GABRG3: variants seen among roughly 807,000 people sequenced by gnomAD.
GABRG3 encodes gamma-aminobutyric acid type A receptor subunit gamma3.
Under a neutral mutation model 48.8 loss-of-function variants are expected in GABRG3, and 25 were observed. That is an observed-to-expected ratio of 0.51 (90% CI 0.37 to 0.72). The LOEUF (loss-of-function observed/expected upper bound fraction) is 0.72. GABRG3 is among the 30% of genes least tolerant of loss of function. GABRG3 has a pLI of 0.00. For synonymous variants in GABRG3, 227 were observed against 217.6 expected (o/e 1.04, Z -0.38); for missense variants, 394 against 577.9 (o/e 0.68, Z 3.26).
chr15:27,334,297 G>A (rs1009216646), intron 5 of GABRG3, among the ~76,000 whole-genome samples: 1 of 151,888 alleles, frequency 6.6e-6, no homozygotes, highest in African/African-American at 2.4e-5. Flanking sequence ...TACACACACA[G>A]GCACACACAT....
intron 7 of GABRG3, among the ~76,000 whole-genome samples, chr15:27,526,641 G>A (rs1048299685): frequency 2.0e-5 from 3 of 151,980 alleles, no homozygotes; most frequent in Non-Finnish European, 2.9e-5. Flanking sequence ...TATCCATCTC[G>A]TGTGTGTCTG....
intron 5 of GABRG3, among the ~76,000 whole-genome samples, chr15:27,405,012 T>G (rs1887589730): frequency 6.6e-6 from 1 of 152,168 alleles, no homozygotes; most frequent in Non-Finnish European, 1.5e-5. Flanking sequence ...GTGATATTGA[T>G]AGAAGAATAA....
At position 27,395,157 on chromosome 15, in the gene GABRG3, T is replaced by A. The variant is rs181455253; in HGVS notation, c.574+66269T>A. Among the ~76,000 whole-genome samples the A allele has an allele frequency of 2.8e-3, 427 of 152,310 alleles. 1 individual carries two copies. Among genetic ancestry groups the A allele is most frequent in the Non-Finnish European group, 4.6e-3 (312 of 68,030 alleles). ...CTGTTCATTTTTCTTATTCTTTGTA[T>A]CTGTTTCCCCAGACTGGTAATCTCA... On this transcript the variant is annotated intron_variant, in intron 5 of 9. Transcript: ENST00000615808.
intron 2 of GABRG3, among the ~76,000 whole-genome samples, chr15:26,993,163 T>G (rs1202529274): frequency 6.6e-6 from 1 of 152,080 alleles, no homozygotes. Flanking sequence ...AACCAACTTT[T>G]TGTTTCATTG....
At chr15:27,084,427 G>A (rs1897042315) in intron 3 of GABRG3, among the ~76,000 whole-genome samples, 1 of 152,192 alleles carries the variant, frequency 6.6e-6, no homozygotes, top group Non-Finnish European at 1.5e-5. Context: ...CTGACCCTCA[G>A]CCAGAATGTT....
intron 5 of GABRG3, among the ~76,000 whole-genome samples, chr15:27,409,705 T>C (rs1887741078): frequency 6.6e-6 from 1 of 152,186 alleles, no homozygotes; most frequent in Admixed American, 6.5e-5. Flanking sequence ...ACAGGAACAC[T>C]GTGCATCTCT....
Position 27,235,079 on chromosome 15 carries a change from T to C in GABRG3, c.271-91730T>C, listed in dbSNP as rs527656033. On this transcript the variant is annotated intron_variant, in intron 3 of 9. Transcript: ENST00000615808. ...TGAGAGAGAAATGCCTTAATACCCTTAAGGAATCTAGTTGTAACTCAAAGA... is the reference window on the plus strand; with the variant it reads ...TGAGAGAGAAATGCCTTAATACCCTCAAGGAATCTAGTTGTAACTCAAAGA... Among the ~76,000 whole-genome samples, 11 of 152,286 alleles carry C rather than the reference T, an allele frequency of 7.2e-5. No individual in the cohort carries two copies. In the East Asian group the frequency reaches 2.1e-3, roughly 29 times the overall value.
chr15:26,976,268 T>G lies in GABRG3; in HGVS notation c.54-734T>G. On this transcript the variant is annotated intron_variant, in intron 1 of 9. Transcript: ENST00000615808. This position sits in a 1 kb window ranked among gnomAD's most constrained non-coding sequence, Gnocchi z 7.8. The stretch of plus-strand genomic sequence containing the variant: ...GAGATGCCCAGGCATTCACTGAGAC[T>G]CATTTACTAAGAAGTCAGAATGTTG... Among the ~76,000 whole-genome samples the G allele has an allele frequency of 6.6e-6, 1 of 152,336 alleles. No individual in the cohort carries two copies. Among genetic ancestry groups the G allele is most frequent in the South Asian group, 2.1e-4 (1 of 4,826 alleles).
intron 5 of GABRG3, among the ~76,000 whole-genome samples, chr15:27,369,152 A>C (rs114154957): frequency 2.5e-4 from 38 of 152,212 alleles, no homozygotes; most frequent in Non-Finnish European, 4.4e-5. Flanking sequence ...GAATTTTAGA[A>C]AGCTTCAGAA....
In GABRG3 at chr15:26,974,225, G is replaced by C. The variant is rs2140630901; in HGVS notation, c.53+2637G>C. On this transcript the variant is annotated intron_variant, in intron 1 of 9. Coordinates refer to ENST00000615808, the MANE Select transcript of GABRG3 (RefSeq NM_033223.5). This position sits in a 1 kb window ranked among gnomAD's most constrained non-coding sequence, Gnocchi z 4.3. ...CAAAGGGGTGGAAGAGAACGTTCCTGCTTTCTTTTTCTTGGTCCCCCTCAC... is the reference window on the plus strand; with the variant it reads ...CAAAGGGGTGGAAGAGAACGTTCCTCCTTTCTTTTTCTTGGTCCCCCTCAC... Among the ~76,000 whole-genome samples the C allele has an allele frequency of 6.6e-6, 1 of 152,296 alleles. No individual in the cohort carries two copies. Among genetic ancestry groups the C allele is most frequent in the African/African-American group, 2.4e-5 (1 of 41,570 alleles).
chr15:27,212,499 T>G (rs1889108536), intron 3 of GABRG3, among the ~76,000 whole-genome samples: 1 of 152,214 alleles, frequency 6.6e-6, no homozygotes. Context: ...TACACTATTA[T>G]TTTTTGAGAT....
chr15:27,110,635 G>A (rs1326198259), intron 3 of GABRG3, among the ~76,000 whole-genome samples: 1 of 151,474 alleles, frequency 6.6e-6, no homozygotes, highest in African/African-American at 2.4e-5. Flanking sequence ...TGGAAGCACA[G>A]TTTCACTGGA....
rs187325254 is a variant in GABRG3 at position 27,527,936 on chromosome 15, C to T, written c.1066C>T (p.Leu356=). 1.3e-6 allele frequency: 2 copies of T among 1,581,894 alleles called. No individual in the cohort carries two copies. The highest frequency in any genetic ancestry group is 1.3e-5 in the African/African-American group (1 of 74,506). Residue 356 remains leucine, a synonymous_variant, in exon 9 of 10, where the codon CTA becomes TTA. Transcript: ENST00000615808. Reference sequence around the variant, plus strand: ...ATTTTTTCTTCTTTTCTTGTAGTTACTACATCCAGATTCCTCAAGATGGAT... The same window carrying T: ...ATTTTTTCTTCTTTTCTTGTAGTTATTACATCCAGATTCCTCAAGATGGAT... The part of the protein sequence containing the change: ...PTTTKKTTSL[L]HPDSSRWIPE...
chr15:27,109,297 A>G lies in GABRG3; in HGVS notation c.270+82476A>G, dbSNP rs564252687. ...TGTTTCCCTTACTATTAGTGTGGTT[A>G]GTTGATTTGGTACAACTGATAAGTC... On this transcript the variant is annotated intron_variant, in intron 3 of 9. Coordinates refer to ENST00000615808, the MANE Select transcript of GABRG3 (RefSeq NM_033223.5). 3.9e-5 allele frequency among the ~76,000 whole-genome samples: 6 copies of G among 152,294 alleles called. No individual in the cohort carries two copies. The East Asian group carries it at 1.2e-3, about 29-fold the overall frequency.
chr15:26,990,252 G>T (rs142793062), intron 2 of GABRG3, among the ~76,000 whole-genome samples: 4 of 152,320 alleles, frequency 2.6e-5, no homozygotes, highest in African/African-American at 9.6e-5. Context: ...CAGTGTACAA[G>T]GGTTCCCTTT....
At chr15:27,020,652 C>T (rs905418815) in intron 2 of GABRG3, among the ~76,000 whole-genome samples, 46 of 152,176 alleles carry the variant, frequency 3.0e-4, no homozygotes, top group Non-Finnish European at 6.2e-4. Flanking sequence ...CTCCCGACCT[C>T]GTGATCCGCC....
intron 3 of GABRG3, among the ~76,000 whole-genome samples, chr15:27,159,126 T>C (rs1336039447): frequency 4.3e-5 from 4 of 93,712 alleles, no homozygotes; most frequent in African/African-American, 1.1e-4. Flanking sequence ...ATAAAACTTA[T>C]ATTTATCTAA....
intron 3 of GABRG3, among the ~76,000 whole-genome samples, chr15:27,138,894 T>C (rs992059718): frequency 2.6e-5 from 4 of 152,146 alleles, no homozygotes; most frequent in Non-Finnish European, 5.9e-5. Context: ...GATAGAAATG[T>C]TTTTTTCTCA....
chr15:27,084,425 C>G (rs532995230), intron 3 of GABRG3, among the ~76,000 whole-genome samples: 3 of 152,226 alleles, frequency 2.0e-5, no homozygotes, highest in Admixed American at 2.0e-4. Context: ...CCCTGACCCT[C>G]AGCCAGAATG....
Sources: gnomAD v4.1 joint callset for allele counts (sites outside exome capture counted in the v4.1 genomes callset) on GRCh38, gnomAD v4.1.1 for gene constraint, Gnocchi (gnomAD v3.1) non-coding constraint, MANE v1.5 for transcripts, NCBI Gene and HGNC (gene_info 2026-07-23, HGNC 2026-07-21) for gene names.